Variants in MTHFD1L observed in about 807,000 individuals in gnomAD.
MTHFD1L encodes the protein methylenetetrahydrofolate dehydrogenase (NADP+ dependent) 1 like, also known as monofunctional C1-tetrahydrofolate synthase, mitochondrial.
A neutral mutation model predicts 119.5 loss-of-function variants in MTHFD1L; 81 were observed. That is an observed-to-expected ratio of 0.68 (90% CI 0.57 to 0.82). MTHFD1L has a LOEUF of 0.82. Ranked by LOEUF, MTHFD1L falls within the 40% of genes least tolerant of loss-of-function variation. The pLI is 0.00. For synonymous variants in MTHFD1L, 430 were observed against 475.2 expected, an observed-to-expected ratio of 0.90 and a Z score of 1.24; for missense variants, 1,125 against 1,253.4, an observed-to-expected ratio of 0.90 and a Z score of 1.55.
At chr6:150,922,435 C>A in intron 10 of MTHFD1L, 133 bp downstream of exon 10, 1 of 542,166 alleles carries the variant, frequency 1.8e-6, no homozygotes, top group South Asian at 4.3e-5. Flanking sequence ...CATTAAATTG[C>A]CACCCTATTT....
At position 151,084,984 on chromosome 6, in the gene MTHFD1L, AAT is replaced by A. The variant is rs1222130429; in HGVS notation, c.2848-7464_2848-7463del. Among the ~76,000 whole-genome samples the A allele has an allele frequency of 6.9e-3, 709 of 102,824 alleles. 7 individuals are homozygous for A. Among genetic ancestry groups the A allele is most frequent in the South Asian group, 0.023 (71 of 3,136 alleles). The allele number at this position is 102,824 out of a possible 152,430, so 67.5% of individuals were successfully genotyped here. On this transcript the variant is annotated intron_variant, in intron 26 of 27. Coordinates refer to ENST00000367321, the MANE Select transcript of MTHFD1L (RefSeq NM_015440.5). ...TCCATCTCAAAGAAAAAAAAAAAAA[AAT>A]ATATATATATATATATATGTATATA...
intron 6 of MTHFD1L, 102 bp downstream of exon 6, chr6:150,885,836 T>A: frequency 4.8e-6 from 4 of 826,804 alleles, no homozygotes; most frequent in Non-Finnish European, 7.6e-6. Context: ...TTTTTTAAAT[T>A]ATTATTCTGA....
At chr6:151,083,054 C>G (rs1027244655) in intron 26 of MTHFD1L, among the ~76,000 whole-genome samples, 1 of 152,148 alleles carries the variant, frequency 6.6e-6, no homozygotes, top group African/African-American at 2.4e-5. Flanking sequence ...GTTTCTGCAC[C>G]TGTAGATGGG....
At chr6:151,074,755 C>A (rs1392899353) in intron 26 of MTHFD1L, among the ~76,000 whole-genome samples, 1 of 152,166 alleles carries the variant, frequency 6.6e-6, no homozygotes, top group Non-Finnish European at 1.5e-5. Context: ...GTATTCAGAA[C>A]AATAACATGC....
chr6:151,008,129 G>A (rs1781656397), intron 20 of MTHFD1L, among the ~76,000 whole-genome samples: 1 of 152,096 alleles, frequency 6.6e-6, no homozygotes, highest in Admixed American at 6.6e-5. Flanking sequence ...GTGCAGTATT[G>A]TTTATATTGG....
At chr6:150,951,032 GGTTTTTTTTTT>G (rs1470229458) in intron 16 of MTHFD1L, among the ~76,000 whole-genome samples, 4 of 138,580 alleles carry the variant, frequency 2.9e-5, no homozygotes, top group African/African-American at 7.9e-5. Flanking sequence ...GAAACTTTAT[GGTTTTTTTTTT>G]GTTTTTTTTT....
At chr6:150,898,393 C>T (rs759586271) in intron 7 of MTHFD1L, among the ~76,000 whole-genome samples, 9 of 152,174 alleles carry the variant, frequency 5.9e-5, no homozygotes, top group Non-Finnish European at 1.3e-4. Context: ...CACCTCAATT[C>T]CTCACTTTTC....
chr6:151,009,216 T>C (rs1248958837), intron 20 of MTHFD1L, among the ~76,000 whole-genome samples: 2 of 151,430 alleles, frequency 1.3e-5, no homozygotes, highest in East Asian at 2.0e-4. Flanking sequence ...GATTACAAAG[T>C]TGAAAATCCC....
chr6:151,022,297 A>G lies in MTHFD1L; in HGVS notation c.2586+6604A>G, dbSNP rs1245659887. ...ACACCAGTTGTTGGTGGGGTGTGAG[A>G]ACTATCCTTTACATGGACTTGGAGC... is the stretch of plus-strand genomic sequence containing the variant. On this transcript the variant is annotated intron_variant, in intron 24 of 27. Transcript: ENST00000367321. 8 of 287,928 alleles carry G rather than the reference A, an allele frequency of 2.8e-5. No homozygotes were observed. In the East Asian group the frequency reaches 5.0e-4, roughly 18 times the overall value. 17.8% of individuals were successfully genotyped at this position (287,928 alleles called of 1,614,324 possible). A position where few individuals can be genotyped will look rare whatever the true frequency, so the allele number is the denominator to read the frequency against.
At chr6:150,988,296 T>C (rs546699706) in intron 20 of MTHFD1L, among the ~76,000 whole-genome samples, 1 of 152,346 alleles carries the variant, frequency 6.6e-6, no homozygotes, top group East Asian at 1.9e-4. Flanking sequence ...ATGATTGCTA[T>C]CTTACCCCAT....
intron 24 of MTHFD1L, among the ~76,000 whole-genome samples, chr6:151,018,214 C>T (rs1783429457): frequency 6.6e-6 from 1 of 152,166 alleles, no homozygotes; most frequent in Non-Finnish European, 1.5e-5. Flanking sequence ...CTTCATCCCT[C>T]ACATATTCTA....
intron 19 of MTHFD1L, among the ~76,000 whole-genome samples, chr6:150,967,308 T>A (rs1198659451): frequency 6.6e-6 from 1 of 152,194 alleles, no homozygotes; most frequent in Non-Finnish European, 1.5e-5. Flanking sequence ...CTTGTCTTCC[T>A]TCAGGAGCAC....
At chr6:151,072,408 C>T (rs1022242167) in intron 26 of MTHFD1L, among the ~76,000 whole-genome samples, 2 of 151,910 alleles carry the variant, frequency 1.3e-5, no homozygotes, top group South Asian at 2.1e-4. Context: ...TGAATAATAA[C>T]CTAAAAAATC....
rs1310854015 is a variant in MTHFD1L at position 150,918,660 on chromosome 6, C to T, written c.976C>T (p.Arg326Ter). The T allele has an allele frequency of 1.9e-6, 3 of 1,613,458 alleles. No homozygotes were observed. The highest frequency in any genetic ancestry group is 2.5e-6 in the Non-Finnish European group (3 of 1,179,432). The part of the protein sequence containing the change: ...DDVILLAAAL[R>*]IQNMVSSGRR... ...TGTGATTCTCCTTGCTGCAGCTCTGCGAATTCAGGTTTGTTCAACATAGCT... is the reference window on the plus strand; with the variant it reads ...TGTGATTCTCCTTGCTGCAGCTCTGTGAATTCAGGTTTGTTCAACATAGCT... Residue 326 changes from arginine to a stop codon, truncating the protein, a stop_gained, in exon 9 of 28, where the codon CGA becomes TGA. Coordinates refer to ENST00000367321, the MANE Select transcript of MTHFD1L (RefSeq NM_015440.5). LOFTEE classifies it high-confidence loss of function.
intron 19 of MTHFD1L, among the ~76,000 whole-genome samples, chr6:150,971,401 G>C (rs1304147630): frequency 6.6e-6 from 1 of 152,052 alleles, no homozygotes; most frequent in Non-Finnish European, 1.5e-5. Flanking sequence ...GGGTTTCACT[G>C]TTGGCCAGGC....
chr6:151,094,466 A>C (rs543972731), intron 27 of MTHFD1L, among the ~76,000 whole-genome samples: 14 of 152,256 alleles, frequency 9.2e-5, no homozygotes, highest in Admixed American at 8.5e-4. Context: ...GGGTTCAAGC[A>C]ATTCTCTTGC....
At chr6:150,965,166 A>G (rs964286410) in intron 19 of MTHFD1L, 129 bp downstream of exon 19, 1 of 739,850 alleles carries the variant, frequency 1.4e-6, no homozygotes, top group Non-Finnish European at 2.3e-6. Flanking sequence ...AATCTCAGGC[A>G]GAAAGAGTGA....
At chr6:151,036,900 C>A (rs1483265244) in intron 25 of MTHFD1L, 65 bp from the exon 26 acceptor site, 16 of 1,574,678 alleles carry the variant, frequency 1.0e-5, no homozygotes, top group Admixed American at 6.7e-5. Flanking sequence ...GTATAAAGTG[C>A]AAATTGAAAA....
At chr6:151,015,034 A>G (rs1782827359) in intron 23 of MTHFD1L, 54 bp downstream of exon 23, 1 of 1,433,534 alleles carries the variant, frequency 7.0e-7, no homozygotes, top group African/African-American at 1.4e-5. Flanking sequence ...CCACCCTGTG[A>G]ACGATATTTG....
Sources: allele counts gnomAD v4.1 joint callset (sites outside exome capture counted in the v4.1 genomes callset), GRCh38; gene constraint gnomAD v4.1.1; transcripts MANE v1.5; gene names NCBI Gene and HGNC (gene_info 2026-07-23, HGNC 2026-07-21).